The following MSR1 variants were observed in gnomAD, a reference collection of about 807,000 sequenced individuals.
MSR1 encodes macrophage scavenger receptor types I and II.
In MSR1, 53 loss-of-function variants were observed where a neutral mutation model predicts 47.2. The ratio of observed to expected loss-of-function variants is 1.12; its 90% CI spans 0.90 to 1.41. The LOEUF (loss-of-function observed/expected upper bound fraction) is 1.41. Ranked by LOEUF, MSR1 falls within the 40% of genes most tolerant of loss-of-function variation. The pLI, the probability that MSR1 is intolerant of heterozygous loss-of-function variation, is 0.00. For missense variants in MSR1, 786 were observed against 546.9 expected (o/e 1.44, Z -4.36); for synonymous variants, 239 against 185.6 (o/e 1.29, Z -2.34).
intron 3 of MSR1, among the ~76,000 whole-genome samples, chr8:16,174,754 A>G (rs1801590598): frequency 6.6e-6 from 1 of 152,188 alleles, no homozygotes; most frequent in Admixed American, 6.5e-5. Flanking sequence ...TACTAAGAAT[A>G]GAAGAGCTTC....
chr8:16,120,377 A>C (rs757180074), intron 9 of MSR1, 41 bp downstream of exon 9: 2 of 1,605,944 alleles, frequency 1.2e-6, no homozygotes, highest in East Asian at 2.2e-5. Context: ...ACTCTGTCTG[A>C]AACAACAACA....
At chr8:16,182,735 C>G (rs1257663296) in intron 1 of MSR1, among the ~76,000 whole-genome samples, 1 of 152,140 alleles carries the variant, frequency 6.6e-6, no homozygotes, top group Non-Finnish European at 1.5e-5. Context: ...GAGCTGTCAT[C>G]TCCTATGATA....
At chr8:16,140,809 G>A (rs1800535924) in intron 8 of MSR1, 1 of 1,520,206 alleles carries the variant, frequency 6.6e-7, no homozygotes. Context: ...TATGAGCATG[G>A]GAGCAGAGGC....
At position 16,164,071 on chromosome 8, in the gene MSR1, T is replaced by C. The variant is rs1228957910; in HGVS notation, c.811A>G (p.Ile271Val). 2.5e-6 allele frequency: 4 copies of C among 1,606,642 alleles called. No individual in the cohort carries two copies. The highest frequency in any genetic ancestry group is 2.2e-5 in the East Asian group (1 of 44,578). The change falls in exon 5 of 10, where the codon ATT (isoleucine) becomes GTT (valine). Residue 271 changes from isoleucine to valine, a missense_variant. By Grantham distance (29) the Ile-to-Val change is conservative. Coordinates refer to ENST00000262101, the MANE Select transcript of MSR1 (RefSeq NM_138715.3). Reference sequence around the variant, plus strand: ...AAATGACAAGACATTTTACCTTGAATTAAAGTGATATTTCTCAAGGTCTGA... The same window carrying C: ...AAATGACAAGACATTTTACCTTGAACTAAAGTGATATTTCTCAAGGTCTGA... The part of the protein sequence containing the change: ...HSQTLRNITL[I>V]QGPPGPPGEK...
intron 5 of MSR1, among the ~76,000 whole-genome samples, chr8:16,155,645 G>C (rs1234538472): frequency 6.6e-6 from 1 of 151,930 alleles, no homozygotes; most frequent in African/African-American, 2.4e-5. Context: ...TCAGATATTT[G>C]TCAGTGAACT....
At chr8:16,179,484 T>G (rs535200460) in intron 1 of MSR1, among the ~76,000 whole-genome samples, 1 of 152,352 alleles carries the variant, frequency 6.6e-6, no homozygotes, top group East Asian at 1.9e-4. Context: ...ATTTCCTTAG[T>G]ATTATTTTAA....
At chr8:16,110,294 T>A in intron 9 of MSR1, 76 bp from the exon 10 acceptor site, 1 of 1,509,192 alleles carries the variant, frequency 6.6e-7, no homozygotes, top group East Asian at 2.3e-5. Flanking sequence ...AAGCCATTAA[T>A]TCCTTCACTA....
chr8:16,156,358 CATAA>C (rs1161704258), intron 5 of MSR1, among the ~76,000 whole-genome samples: 4 of 151,838 alleles, frequency 2.6e-5, no homozygotes, highest in East Asian at 1.9e-4. Context: ...GGGGGAACCA[CATAA>C]ATAAATAAAG....
At chr8:16,128,275 T>C (rs1800175507) in intron 8 of MSR1, among the ~76,000 whole-genome samples, 1 of 152,166 alleles carries the variant, frequency 6.6e-6, no homozygotes. Context: ...AATATTCGTA[T>C]GCTGAAGTCC....
rs577344752 is a variant in MSR1, at chr8:16,152,780, A to C, written c.898+2284T>G. 5.3e-5 allele frequency among the ~76,000 whole-genome samples: 8 copies of C among 152,104 alleles called. No individual in the cohort carries two copies. In the East Asian group the frequency reaches 1.5e-3, roughly 29 times the overall value. On this transcript the variant is annotated intron_variant, in intron 6 of 9. Coordinates refer to ENST00000262101, the MANE Select transcript of MSR1 (RefSeq NM_138715.3). ...GAGATAAAAAATCCTTGATCATGAC[A>C]TTTGCCTCCCTTATATTACTACTTA...
intron 8 of MSR1, among the ~76,000 whole-genome samples, chr8:16,124,322 A>G (rs1274972482): frequency 6.6e-6 from 1 of 152,178 alleles, no homozygotes; most frequent in Non-Finnish European, 1.5e-5. Context: ...TTATGCAAAT[A>G]TTTGCTGTTT....
chr8:16,185,557 A>T (rs1434614774), intron 1 of MSR1, among the ~76,000 whole-genome samples: 12 of 152,120 alleles, frequency 7.9e-5, no homozygotes, highest in Admixed American at 7.9e-4. Flanking sequence ...ACGCAATCTG[A>T]GCCCAGAACT....
chr8:16,170,127 A>T (rs1340481752), intron 3 of MSR1, among the ~76,000 whole-genome samples: 1 of 152,116 alleles, frequency 6.6e-6, no homozygotes, highest in Non-Finnish European at 1.5e-5. Context: ...AGGGAGGTGG[A>T]TCCCCAGGTC....
chr8:16,138,033 A>G (rs1800434389), intron 8 of MSR1, among the ~76,000 whole-genome samples: 1 of 151,728 alleles, frequency 6.6e-6, no homozygotes, highest in Admixed American at 6.6e-5. Flanking sequence ...CCCTTGCCTC[A>G]CAGGCTTTAC....
intron 3 of MSR1, among the ~76,000 whole-genome samples, chr8:16,169,248 A>G (rs117462296): frequency 6.6e-6 from 1 of 152,352 alleles, no homozygotes; most frequent in East Asian, 1.9e-4. Context: ...TGCTTAATAC[A>G]GTTTCTGAAG....
At chr8:16,138,356 C>T (rs537019998) in intron 8 of MSR1, among the ~76,000 whole-genome samples, 3 of 152,118 alleles carry the variant, frequency 2.0e-5, no homozygotes, top group Non-Finnish European at 4.4e-5. Flanking sequence ...ACACAACAGA[C>T]GATTCACTAT....
intron 1 of MSR1, among the ~76,000 whole-genome samples, chr8:16,190,230 A>G (rs1020343985): frequency 1.3e-5 from 2 of 152,120 alleles, no homozygotes; most frequent in East Asian, 3.8e-4. Context: ...TTCTTTTAAA[A>G]TGTTTCTTTA....
intron 4 of MSR1, among the ~76,000 whole-genome samples, chr8:16,166,533 A>C (rs2117176385): frequency 6.6e-6 from 1 of 152,108 alleles, no homozygotes; most frequent in East Asian, 1.9e-4. Context: ...TTCAGTGGAA[A>C]TTATTTTCAC....
chr8:16,135,053 T>C (rs73528297), intron 8 of MSR1, among the ~76,000 whole-genome samples: 2 of 152,248 alleles, frequency 1.3e-5, no homozygotes, highest in African/African-American at 2.4e-5. Context: ...AAGTACAAGA[T>C]GATTTAGCAA....
Sources: allele counts gnomAD v4.1 joint callset (sites outside exome capture counted in the v4.1 genomes callset), GRCh38; gene constraint gnomAD v4.1.1; transcripts MANE v1.5; gene names NCBI Gene and HGNC (gene_info 2026-07-23, HGNC 2026-07-21).